ARNT2: variants seen among roughly 807,000 people sequenced by gnomAD.
ARNT2 encodes the protein ARNT protein 2.
A neutral mutation model predicts 91.7 loss-of-function variants in ARNT2; 36 were observed. The observed-to-expected ratio is 0.39, with a 90% CI of 0.30 to 0.52. The LOEUF (loss-of-function observed/expected upper bound fraction) is 0.52, where lower values mean the gene tolerates loss of function less well. ARNT2 is among the 20% of genes least tolerant of loss of function. ARNT2 has a pLI of 0.72. For synonymous variants in ARNT2, 365 were observed against 347.1 expected (o/e 1.05, Z -0.57); for missense variants, 775 against 939.3 (o/e 0.83, Z 2.29).
At chr15:80,523,377 T>A (rs1897584481) in intron 8 of ARNT2, among the ~76,000 whole-genome samples, 1 of 151,880 alleles carries the variant, frequency 6.6e-6, no homozygotes, top group African/African-American at 2.4e-5. Context: ...CATGCACAGG[T>A]GACTATGGGG....
intron 5 of ARNT2, among the ~76,000 whole-genome samples, chr15:80,507,807 C>T (rs955928637): frequency 1.3e-5 from 2 of 152,174 alleles, no homozygotes; most frequent in Admixed American, 6.5e-5. Flanking sequence ...AAAGGAAAAA[C>T]GTGTTTTAGA....
intron 8 of ARNT2, among the ~76,000 whole-genome samples, chr15:80,543,094 C>CAAAAAAA (rs368917679): frequency 3.5e-5 from 3 of 86,682 alleles, no homozygotes; most frequent in African/African-American, 7.3e-5. Context: ...CAGACCCGGT[C>CAAAAAAA]AAAAAAAAAA....
intron 8 of ARNT2, among the ~76,000 whole-genome samples, chr15:80,534,813 A>G (rs1423203309): frequency 6.6e-6 from 1 of 152,214 alleles, no homozygotes; most frequent in Admixed American, 6.5e-5. Context: ...AAGATAGCTA[A>G]GAAGTGCTAT....
At chr15:80,453,757 T>G (rs114011798) in intron 2 of ARNT2, among the ~76,000 whole-genome samples, 3,505 of 152,006 alleles carry the variant, frequency 0.023, 121 homozygotes, top group African/African-American at 0.078. Flanking sequence ...TCTGAGAATG[T>G]GGGACATGGT....
At chr15:80,539,174 T>C (rs1897868491) in intron 8 of ARNT2, among the ~76,000 whole-genome samples, 1 of 152,130 alleles carries the variant, frequency 6.6e-6, no homozygotes, top group Non-Finnish European at 1.5e-5. Flanking sequence ...GAAAGTAGAC[T>C]GATTTGTGAA....
chr15:80,526,751 T>G (rs1897646662), intron 8 of ARNT2, among the ~76,000 whole-genome samples: 1 of 152,192 alleles, frequency 6.6e-6, no homozygotes, highest in Non-Finnish European at 1.5e-5. Context: ...GAGGTTATTT[T>G]GGGGTTTTGG....
chr15:80,408,331 C>T (rs901963507), intron 1 of ARNT2, among the ~76,000 whole-genome samples: 2 of 152,190 alleles, frequency 1.3e-5, no homozygotes, highest in African/African-American at 4.8e-5. Context: ...AACTTAATAA[C>T]ACCAGGTGGA....
intron 2 of ARNT2, among the ~76,000 whole-genome samples, chr15:80,453,254 C>G (rs2141382193): frequency 6.6e-6 from 1 of 152,280 alleles, no homozygotes; most frequent in Non-Finnish European, 1.5e-5. Context: ...GGAGGATGAG[C>G]AGCAATTGCT....
intron 5 of ARNT2, among the ~76,000 whole-genome samples, chr15:80,478,788 G>T (rs1226359163): frequency 2.6e-5 from 4 of 152,218 alleles, no homozygotes; most frequent in Non-Finnish European, 5.9e-5. Context: ...GACAGGACTG[G>T]AGTGGGTTTC....
chr15:80,423,722 G>C (rs890240453), intron 1 of ARNT2, among the ~76,000 whole-genome samples: 3 of 152,014 alleles, frequency 2.0e-5, no homozygotes, highest in African/African-American at 7.3e-5. Context: ...AGTGTGGTCA[G>C]TGAAGCTTTT....
chr15:80,484,784 C>A (rs1896942255), intron 5 of ARNT2, among the ~76,000 whole-genome samples: 1 of 152,162 alleles, frequency 6.6e-6, no homozygotes, highest in Non-Finnish European at 1.5e-5. Flanking sequence ...GCTCCACCAG[C>A]CGTGTGTGCT....
At chr15:80,407,880 T>C (rs920854355) in intron 1 of ARNT2, among the ~76,000 whole-genome samples, 97 of 152,370 alleles carry the variant, frequency 6.4e-4, no homozygotes, top group African/African-American at 2.3e-3. Context: ...TTGTTCCATC[T>C]TAATCTTTTG....
At chr15:80,423,206 G>T (rs761436175) in intron 1 of ARNT2, among the ~76,000 whole-genome samples, 4 of 152,140 alleles carry the variant, frequency 2.6e-5, no homozygotes, top group African/African-American at 2.4e-5. Flanking sequence ...AATGTGTTTC[G>T]TGCAGCACCT....
At position 80,537,137 on chromosome 15, in the gene ARNT2, G is replaced by T. The variant is rs1897838744; in HGVS notation, c.878-14062G>T. Among the ~76,000 whole-genome samples the T allele has an allele frequency of 2.0e-5, 3 of 152,146 alleles. No homozygotes were observed. The South Asian group carries it at 6.2e-4, about 32-fold the overall frequency. ...ACAAAGGCCAATTCTGATGAGTCCT[G>T]CTCCAAGGAACCTTCACCAGTTCTG... On this transcript the variant is annotated intron_variant, in intron 8 of 18. Transcript: ENST00000303329.
chr15:80,508,842 G>T (rs1212574904), intron 6 of ARNT2, among the ~76,000 whole-genome samples: 1 of 152,186 alleles, frequency 6.6e-6, no homozygotes, highest in East Asian at 1.9e-4. Flanking sequence ...AGGAATGAAT[G>T]AACTTTGGAG....
chr15:80,442,859 G>C (rs1402480019), intron 1 of ARNT2: 1 of 985,306 alleles, frequency 1.0e-6, no homozygotes, highest in Admixed American at 6.1e-5. Context: ...AGGTGACCAA[G>C]GTTTTTTAGA....
chr15:80,559,047 G>C (rs576710570), intron 11 of ARNT2, among the ~76,000 whole-genome samples: 193 of 152,244 alleles, frequency 1.3e-3, no homozygotes, highest in African/African-American at 4.4e-3. Context: ...GGGAGGTGCA[G>C]TTGCCTGCCC....
At chr15:80,574,278 G>T in intron 13 of ARNT2, 58 bp downstream of exon 13, 1 of 1,530,626 alleles carries the variant, frequency 6.5e-7, no homozygotes, top group South Asian at 1.1e-5. Context: ...ATGGACTTGG[G>T]ACTCAATTCA....
rs1427160853 is a variant in ARNT2 at position 80,410,526 on chromosome 15, G to A, written c.31+5980G>A. Among the ~76,000 whole-genome samples the A allele has an allele frequency of 3.3e-5, 5 of 152,118 alleles. No homozygotes were observed. The South Asian group carries it at 6.2e-4, about 19-fold the overall frequency. ...ACACATGCTCCCAGAGATCTGGGCT[G>A]GAGAAGGAAACAAAGAGGGATGTTG... On this transcript the variant is annotated intron_variant, in intron 1 of 18. Coordinates refer to ENST00000303329, the MANE Select transcript of ARNT2 (RefSeq NM_014862.4).
Sources: allele counts gnomAD v4.1 joint callset (sites outside exome capture counted in the v4.1 genomes callset), GRCh38; gene constraint gnomAD v4.1.1; transcripts MANE v1.5; gene names NCBI Gene and HGNC (gene_info 2026-07-23, HGNC 2026-07-21).